SOX6: variants seen among roughly 807,000 people sequenced by gnomAD.
The protein encoded by SOX6 is SRY-box transcription factor 6.
A neutral mutation model predicts 97.8 loss-of-function variants in SOX6; 11 were observed. That is an observed-to-expected ratio of 0.11 (90% CI 0.07 to 0.19). The LOEUF (loss-of-function observed/expected upper bound fraction) is 0.19. Among genes scored for constraint, SOX6 ranks in the 10% least tolerant of loss-of-function variants. The probability of loss-of-function intolerance (pLI) is 1.00; values close to 1 mark genes in which losing one functional copy is unlikely to be tolerated. For missense variants in SOX6, 810 were observed against 1,039.5 expected (o/e 0.78, Z 3.04); for synonymous variants, 360 against 371.4 (o/e 0.97, Z 0.35).
chr11:16,252,778 G>C (rs1853554927), intron 3 of SOX6, among the ~76,000 whole-genome samples: 1 of 151,998 alleles, frequency 6.6e-6, no homozygotes, highest in Non-Finnish European at 1.5e-5. Context: ...TTCCACTTGG[G>C]AGAAGGAAAA....
At chr11:16,640,392 C>G (rs1164628876) in intron 3 of SOX6, among the ~76,000 whole-genome samples, 1 of 152,180 alleles carries the variant, frequency 6.6e-6, no homozygotes, top group Non-Finnish European at 1.5e-5. Flanking sequence ...GTGTCTCTGC[C>G]AGGCTTTGCT....
chr11:16,655,715 A>G (rs975619765), intron 3 of SOX6, among the ~76,000 whole-genome samples: 3 of 152,212 alleles, frequency 2.0e-5, no homozygotes, highest in Non-Finnish European at 4.4e-5. Flanking sequence ...TCTTTCTTAC[A>G]TGCCCCTTCA....
rs1025901064 is a variant in SOX6, at chr11:15,988,977, A to C, written c.1966+20T>G. 1 of 1,604,166 alleles carries C rather than the reference A, an allele frequency of 6.2e-7. No homozygotes were observed. The highest frequency in any genetic ancestry group is 8.5e-7 in the Non-Finnish European group (1 of 1,170,988). ...ATTTGCAGGGGAGAAGATCAGCTTT[A>C]GCTGCACTGCTGCACTCACCTAAGA... On this transcript the variant is annotated intron_variant, in intron 14 of 15. Coordinates refer to ENST00000683767, the MANE Select transcript of SOX6 (RefSeq NM_001367873.1).
At chr11:16,234,737 G>T in intron 3 of SOX6, 66 bp from the exon 4 acceptor site, 4 of 957,730 alleles carry the variant, frequency 4.2e-6, no homozygotes, top group South Asian at 3.5e-5. Context: ...GTCAGTTTAT[G>T]GGGAAATTCT....
At chr11:16,691,469 T>C (rs1193439055) in intron 3 of SOX6, among the ~76,000 whole-genome samples, 1 of 152,098 alleles carries the variant, frequency 6.6e-6, no homozygotes, top group Non-Finnish European at 1.5e-5. Context: ...ATTACAAAAG[T>C]AATACATTTA....
Position 16,227,620 on chromosome 11 carries a change from A to G in SOX6, c.535+6962T>C, listed in dbSNP as rs534124340. Among the ~76,000 whole-genome samples, 3 of 152,130 alleles carry G rather than the reference A, an allele frequency of 2.0e-5. No homozygotes were observed. The East Asian group carries it at 5.8e-4, about 29-fold the overall frequency. On this transcript the variant is annotated intron_variant, in intron 4 of 15. Coordinates refer to ENST00000683767, the MANE Select transcript of SOX6 (RefSeq NM_001367873.1). ...ACAAATATTTATTGAACATCTACTT[A>G]TACTTGAGGCACTCTCTACTAATGC...
chr11:16,329,585 G>A (rs1032758307), intron 2 of SOX6, among the ~76,000 whole-genome samples: 1 of 152,184 alleles, frequency 6.6e-6, no homozygotes, highest in Non-Finnish European at 1.5e-5. Context: ...AGACAAGTTA[G>A]TTAACTTCTT....
At chr11:16,255,347 A>C (rs1010035001) in intron 3 of SOX6, among the ~76,000 whole-genome samples, 2 of 152,052 alleles carry the variant, frequency 1.3e-5, no homozygotes, top group Admixed American at 1.3e-4. Context: ...ACCAAAACAG[A>C]CCACATTCTG....
chr11:16,628,587 C>A (rs554902051), intron 3 of SOX6, among the ~76,000 whole-genome samples: 26 of 148,868 alleles, frequency 1.7e-4, no homozygotes, highest in Non-Finnish European at 5.9e-5. Flanking sequence ...CACACCACTG[C>A]ACTCCAGCCT....
chr11:16,302,872 C>A (rs1009556865), intron 3 of SOX6, among the ~76,000 whole-genome samples: 1 of 151,960 alleles, frequency 6.6e-6, no homozygotes, highest in Non-Finnish European at 1.5e-5. Flanking sequence ...ACCCGGCCAG[C>A]CACAGTACCC....
intron 1 of SOX6, among the ~76,000 whole-genome samples, chr11:16,402,035 T>A (rs1858572417): frequency 6.6e-6 from 1 of 151,548 alleles, no homozygotes. Flanking sequence ...AATATTGATA[T>A]GGAAGGAAAA....
chr11:15,974,456 T>C (rs972940358), intron 15 of SOX6, among the ~76,000 whole-genome samples: 7 of 144,926 alleles, frequency 4.8e-5, no homozygotes, highest in Admixed American at 3.5e-4. Flanking sequence ...TAGTTACATA[T>C]GTATACATGT....
At chr11:16,213,236 A>C (rs1852275959) in intron 4 of SOX6, among the ~76,000 whole-genome samples, 1 of 152,020 alleles carries the variant, frequency 6.6e-6, no homozygotes, top group Non-Finnish European at 1.5e-5. Context: ...ATCAGGGAAA[A>C]TACTAGATAC....
intron 13 of SOX6, among the ~76,000 whole-genome samples, chr11:15,992,727 A>T (rs12576597): frequency 0.093 from 14,084 of 152,148 alleles, 1,348 homozygotes; most frequent in East Asian, 0.36. Flanking sequence ...AATGCCCCAC[A>T]AATACATATT....
intron 1 of SOX6, among the ~76,000 whole-genome samples, chr11:16,440,951 A>T (rs1859492603): frequency 6.6e-6 from 1 of 152,128 alleles, no homozygotes; most frequent in Non-Finnish European, 1.5e-5. Flanking sequence ...ACTTTTTCAT[A>T]CTGCCTGTCA....
intron 4 of SOX6, among the ~76,000 whole-genome samples, chr11:16,486,908 T>TA (rs1565160401): frequency 6.6e-6 from 1 of 151,636 alleles, no homozygotes. Context: ...AATAAAAATT[T>TA]AAAAAAAGAA....
At chr11:16,494,349 C>G (rs546083011) in intron 4 of SOX6, among the ~76,000 whole-genome samples, 116 of 152,102 alleles carry the variant, frequency 7.6e-4, no homozygotes, top group Admixed American at 1.9e-3. Flanking sequence ...GCACTCCAGC[C>G]TGGGCCACAA....
chr11:16,485,601 C>A (rs1860415124), intron 4 of SOX6, among the ~76,000 whole-genome samples: 1 of 151,448 alleles, frequency 6.6e-6, no homozygotes, highest in African/African-American at 2.4e-5. Flanking sequence ...CATGGTGGCA[C>A]GTGGCTATAA....
rs796487202 is a variant in SOX6, at chr11:16,300,711, C to A, written c.445+17735G>T. ...TGAAGTTCATCACCAGAGAAACCTG[C>A]GGCTGTTCACCTTAACAACTAGGAA... On this transcript the variant is annotated intron_variant, in intron 3 of 15. Coordinates refer to ENST00000683767, the MANE Select transcript of SOX6 (RefSeq NM_001367873.1). The surrounding 1 kb of genome is among the most constrained non-coding windows in gnomAD (Gnocchi z 4.1). Among the ~76,000 whole-genome samples the A allele has an allele frequency of 5.9e-5, 9 of 152,296 alleles. No individual in the cohort carries two copies. The highest frequency in any genetic ancestry group is 2.2e-4 in the African/African-American group (9 of 41,558).
Sources: allele counts gnomAD v4.1 joint callset (sites outside exome capture counted in the v4.1 genomes callset), GRCh38; gene constraint gnomAD v4.1.1; non-coding constraint Gnocchi (gnomAD v3.1); transcripts MANE v1.5; gene names NCBI Gene and HGNC (gene_info 2026-07-23, HGNC 2026-07-21).